PPP1R12C: variants seen among roughly 807,000 people sequenced by gnomAD.
PPP1R12C encodes protein phosphatase 1 regulatory subunit 12C.
Under a neutral mutation model 95.6 loss-of-function variants are expected in PPP1R12C, and 48 were observed. The observed-to-expected ratio is 0.50, with a 90% CI of 0.40 to 0.64. The LOEUF is 0.64. Ranked by LOEUF, PPP1R12C falls within the 30% of genes least tolerant of loss-of-function variation. The pLI is 0.00. For synonymous variants in PPP1R12C, 480 were observed against 460.8 expected, an observed-to-expected ratio of 1.04 and a Z score of -0.53; for missense variants, 1,057 against 1,083.3, an observed-to-expected ratio of 0.98 and a Z score of 0.34.
intron 6 of PPP1R12C, 90 bp downstream of exon 6, chr19:55,098,694 A>C: frequency 1.3e-6 from 2 of 1,500,394 alleles, no homozygotes; most frequent in South Asian, 1.2e-5. Context: ...TGGGTGTCAG[A>C]AGTCGGGGGG....
At position 55,091,144 on chromosome 19, in the gene PPP1R12C, G is replaced by T; in HGVS notation, c.*328C>A. On this transcript the variant is annotated 3_prime_UTR_variant, in exon 22 of 22. Transcript: ENST00000263433. ...GAGGGGTGACGGGGTGGCATCACAC[G>T]TGAGATGGGGACCTCCAGGCGGCCA... 1 of 382,530 alleles carries T rather than the reference G, an allele frequency of 2.6e-6. No individual in the cohort carries two copies. The highest frequency in any genetic ancestry group is 2.7e-5 in the South Asian group (1 of 36,678). 23.7% of individuals were successfully genotyped at this position (382,530 alleles called of 1,614,324 possible).
chr19:55,091,904 T>G lies in PPP1R12C; in HGVS notation c.2166A>C (p.Gln722His), dbSNP rs1568803206. 1.9e-6 allele frequency: 3 copies of G among 1,613,230 alleles called. No homozygotes were observed. In the East Asian group the frequency reaches 6.7e-5, roughly 36 times the overall value. Residue 722 changes from glutamine (Q) to histidine (H), a missense_variant, in exon 20 of 22, where the codon CAA becomes CAC. By Grantham distance (24) the Gln-to-His change is conservative. Coordinates refer to ENST00000263433, the MANE Select transcript of PPP1R12C (RefSeq NM_017607.4). ...GGGCTGGCCTCTCAGCGAAGCGTTC[T>G]TGCCTCTGGTGAGGACACAGAAAGC... ...KVELERATQR[Q>H]ERFAERPALL...
intron 4 of PPP1R12C, among the ~76,000 whole-genome samples, chr19:55,100,704 C>T (rs2084970894): frequency 6.6e-6 from 1 of 152,236 alleles, no homozygotes; most frequent in East Asian, 1.9e-4. Context: ...CCTCTGCCTC[C>T]TGGATTCAAG....
Position 55,091,578 on chromosome 19 carries a change from A to G in PPP1R12C, c.2263-20T>C, listed in dbSNP as rs1440382588. On this transcript the variant is annotated intron_variant, in intron 21 of 21. Coordinates refer to ENST00000263433, the MANE Select transcript of PPP1R12C (RefSeq NM_017607.4). ...CAGGGCCTGGGGGACGGCAAGGGTC[A>G]GCTGGGCAGCCCTGGCGGGTTGCAC... The G allele has an allele frequency of 3.4e-5, 55 of 1,612,624 alleles. No homozygotes were observed. The highest frequency in any genetic ancestry group is 4.6e-5 in the Non-Finnish European group (54 of 1,179,616).
rs2084837046 is a variant in PPP1R12C at position 55,091,388 on chromosome 19, C to T, written c.*84G>A. 1.5e-6 allele frequency: 2 copies of T among 1,353,074 alleles called. No homozygotes were observed. Among genetic ancestry groups the T allele is most frequent in the Middle Eastern group, 3.6e-4 (2 of 5,542 alleles). 83.8% of individuals were successfully genotyped at this position (1,353,074 alleles called of 1,614,324 possible). On this transcript the variant is annotated 3_prime_UTR_variant, in exon 22 of 22. Coordinates refer to ENST00000263433, the MANE Select transcript of PPP1R12C (RefSeq NM_017607.4). The stretch of plus-strand genomic sequence containing the variant: ...GCTTCTCTGAGACTTCCCCCGGAGC[C>T]CTGTCACTCGTGTTCACACGGGGGA...
In PPP1R12C at chr19:55,109,367, G is replaced by C. The variant is rs2085071131; in HGVS notation, c.571+3100C>G. Among the ~76,000 whole-genome samples, 1 of 152,218 alleles carries C rather than the reference G, an allele frequency of 6.6e-6. No individual in the cohort carries two copies. The highest frequency in any genetic ancestry group is 1.5e-5 in the Non-Finnish European group (1 of 68,044). On this transcript the variant is annotated intron_variant, in intron 3 of 21. Coordinates refer to ENST00000263433, the MANE Select transcript of PPP1R12C (RefSeq NM_017607.4). The surrounding 1 kb of genome is among the most constrained non-coding windows in gnomAD (Gnocchi z 4.4). Reference sequence around the variant, plus strand: ...CCCATCTTGGCCTCCCAAAGTGCTGGGCTTACAGGTCTGAGCCACTGTGCC... The same window carrying C: ...CCCATCTTGGCCTCCCAAAGTGCTGCGCTTACAGGTCTGAGCCACTGTGCC...
At chr19:55,092,580 C>CCGGCCCGCA in intron 17 of PPP1R12C, 36 bp from the exon 18 acceptor site, 1 of 1,561,586 alleles carries the variant, frequency 6.4e-7, no homozygotes. Context: ...AGGGGCCGGC[C>CCGGCCCGCA]CGGCCCGCAC....
chr19:55,116,282 A>G (rs1177543927), intron 1 of PPP1R12C, among the ~76,000 whole-genome samples: 1 of 151,736 alleles, frequency 6.6e-6, no homozygotes, highest in African/African-American at 2.4e-5. Context: ...GCGAGTGAAG[A>G]CGGCATGGGG....
chr19:55,112,128 C>A (rs993346152), intron 3 of PPP1R12C: 1 of 229,910 alleles, frequency 4.3e-6, no homozygotes, highest in Admixed American at 5.2e-5. Context: ...GAAAGACCTG[C>A]GGCAGGGTTC....
At position 55,117,309 on chromosome 19, in the gene PPP1R12C, CG is replaced by C. The variant is rs1222832500; in HGVS notation, c.234del (p.Gly79AlafsTer49). ...GGCGCGGCGGGGTCGAGCTCGGCGC[CG>C]GGGCCAGGGTCGGCGGCGCGCAGCA... ...RLMLRAADPG[P>X]GAELDPAAPP... On this transcript the variant is annotated frameshift_variant, in exon 1 of 22. Transcript: ENST00000263433. LOFTEE classifies it high-confidence loss of function. The C allele has an allele frequency of 1.7e-6, 2 of 1,200,036 alleles. No individual in the cohort carries two copies. The highest frequency in any genetic ancestry group is 2.1e-6 in the Non-Finnish European group (2 of 968,852). 74.3% of individuals were successfully genotyped at this position (1,200,036 alleles called of 1,614,324 possible).
Position 55,092,679 on chromosome 19 carries a change from G to T in PPP1R12C, c.1912-17C>A. The T allele has an allele frequency of 6.5e-7, 1 of 1,528,264 alleles. No individual in the cohort carries two copies. Among genetic ancestry groups the T allele is most frequent in the East Asian group, 2.3e-5 (1 of 42,620 alleles). The allele number at this position is 1,528,264 out of a possible 1,614,324, so 94.7% of individuals were successfully genotyped here. ...CTCCTCCCCCTGTGGGCAGGTAGAC[G>T]GGGGTTCAATGGGTATGGGAGGGAC... On this transcript the variant is annotated splice_polypyrimidine_tract_variant and intron_variant, in intron 16 of 21. Transcript: ENST00000263433.
intron 6 of PPP1R12C, among the ~76,000 whole-genome samples, chr19:55,098,276 C>T (rs894875901): frequency 7.9e-5 from 12 of 152,204 alleles, no homozygotes; most frequent in African/African-American, 1.4e-4. Flanking sequence ...AACTGAGGCC[C>T]GGAAAGGAAA....
Position 55,091,479 on chromosome 19 carries a change from G to T in PPP1R12C, c.2342C>A (p.Ser781Tyr), listed in dbSNP as rs768030104. 14 of 1,613,910 alleles carry T rather than the reference G, an allele frequency of 8.7e-6. No homozygotes were observed. Among genetic ancestry groups the T allele is most frequent in the Non-Finnish European group, 1.2e-5 (14 of 1,179,852 alleles). Residue 781 changes from serine to tyrosine, a missense_variant, in exon 22 of 22, where the codon TCC becomes TAC. By Grantham distance (144) the Ser-to-Tyr change is moderately radical. Transcript: ENST00000263433. ...CGGGAAAGTCCCTCCGGGTCACTTG[G>T]AGAGTTTGCTGATGACGCGGATCAA... ...AALIRVISKLSK is the reference protein window; with the variant it reads ...AALIRVISKLYK
rs1256668667 is a variant in PPP1R12C at position 55,113,529 on chromosome 19, C to T, written c.322-734G>A. ...GTCCAAAACTTGGGGGGACAAAAGC[C>T]GAAGTCCAGGGGGTCGGAGGAGGGA... On this transcript the variant is annotated intron_variant, in intron 1 of 21. Transcript: ENST00000263433. 35 of 1,387,058 alleles carry T rather than the reference C, an allele frequency of 2.5e-5. No individual in the cohort carries two copies. The East Asian group carries it at 8.4e-4, about 33-fold the overall frequency. The allele number at this position is 1,387,058 out of a possible 1,614,324, so 85.9% of individuals were successfully genotyped here.
At position 55,095,398 on chromosome 19, in the gene PPP1R12C, C is replaced by T. The variant is rs1033667100; in HGVS notation, c.1387-40G>A. 3.2e-6 allele frequency: 5 copies of T among 1,568,120 alleles called. No homozygotes were observed. In the Admixed American group the frequency reaches 9.4e-5, roughly 30 times the overall value. On this transcript the variant is annotated intron_variant, in intron 10 of 21. Coordinates refer to ENST00000263433, the MANE Select transcript of PPP1R12C (RefSeq NM_017607.4). ...GAAGGGGAGGAAGGGGCAGTTCCCT[C>T]GACTGGGCAGGGGCCTGGGCCTGGA...
chr19:55,095,709 C>T lies in PPP1R12C; in HGVS notation c.1228-106G>A, dbSNP rs1327323552. The stretch of plus-strand genomic sequence containing the variant: ...ACAAACTACAATTCCCATCAGCCCC[C>T]GGGGCAGGCACAGCCTAAAAAGGAA... On this transcript the variant is annotated intron_variant, in intron 9 of 21. Coordinates refer to ENST00000263433, the MANE Select transcript of PPP1R12C (RefSeq NM_017607.4). The T allele has an allele frequency of 2.0e-5, 30 of 1,508,434 alleles. No homozygotes were observed. The East Asian group carries it at 3.7e-4, about 19-fold the overall frequency. The allele number at this position is 1,508,434 out of a possible 1,614,324, so 93.4% of individuals were successfully genotyped here.
chr19:55,092,019 CT>C (rs113312956), intron 19 of PPP1R12C, 110 bp from the exon 20 acceptor site: 1 of 1,415,114 alleles, frequency 7.1e-7, no homozygotes, highest in Non-Finnish European at 9.9e-7. Context: ...CCCACAAGCC[CT>C]TCCCCCACGG....
intron 3 of PPP1R12C, among the ~76,000 whole-genome samples, chr19:55,105,070 C>CTTT (rs60663683): frequency 7.0e-6 from 1 of 142,024 alleles, no homozygotes. Flanking sequence ...GCATCTGACC[C>CTTT]TTTTTTTTTT....
At chr19:55,098,598 C>T (rs1348944139) in intron 6 of PPP1R12C, among the ~76,000 whole-genome samples, 186 bp downstream of exon 6, 1 of 152,264 alleles carries the variant, frequency 6.6e-6, no homozygotes, top group Non-Finnish European at 1.5e-5. Flanking sequence ...GCAGCCCCAT[C>T]TCTGTCCTGC....
Sources: allele counts gnomAD v4.1 joint callset (sites outside exome capture counted in the v4.1 genomes callset), GRCh38; gene constraint gnomAD v4.1.1; non-coding constraint Gnocchi (gnomAD v3.1); transcripts MANE v1.5; gene names NCBI Gene and HGNC (gene_info 2026-07-23, HGNC 2026-07-21).